Variants in ESR2 observed in about 807,000 individuals in gnomAD.
ESR2 encodes the protein estrogen receptor 2.
Under a neutral mutation model 49.6 loss-of-function variants are expected in ESR2, and 36 were observed. That is an observed-to-expected ratio of 0.73 (90% CI 0.56 to 0.96). The LOEUF is 0.96. ESR2 is among the 40% of genes least tolerant of loss of function. The pLI, the probability that ESR2 is intolerant of heterozygous loss-of-function variation, is 0.00. For missense variants in ESR2, 714 were observed against 693.0 expected, an observed-to-expected ratio of 1.03 and a Z score of -0.34; for synonymous variants, 320 against 266.1, an observed-to-expected ratio of 1.20 and a Z score of -1.97.
At position 64,247,352 on chromosome 14, in the gene ESR2, A is replaced by AAAC. The variant is rs1165071917; in HGVS notation, c.1225+2193_1225+2194insGTT. Among the ~76,000 whole-genome samples the AAAC allele has an allele frequency of 3.7e-5, 5 of 135,096 alleles. No individual in the cohort carries two copies. The East Asian group carries it at 9.0e-4, about 24-fold the overall frequency. The allele number at this position is 135,096 out of a possible 152,430, so 88.6% of individuals were successfully genotyped here. A position where few individuals can be genotyped will look rare whatever the true frequency, so the allele number is the denominator to read the frequency against. On this transcript the variant is annotated intron_variant, in intron 7 of 8. Coordinates refer to ENST00000341099, the MANE Select transcript of ESR2 (RefSeq NM_001437.3). ...GTCTCAAAACAAACAAACAAACAAA[A>AAAC]AAACTAGTGCCAATATCCAAGAGTC...
downstream of ESR2, chr14:64,227,821 T>C (rs1413998760): frequency 3.2e-6 from 5 of 1,575,562 alleles, no homozygotes; most frequent in African/African-American, 2.7e-5. Context: ...TGAGGTAGTC[T>C]GGGTTTTATA....
At chr14:64,284,850 CTTTTTT>C (rs780694583) in intron 1 of ESR2, among the ~76,000 whole-genome samples, 1 of 139,616 alleles carries the variant, frequency 7.2e-6, no homozygotes, top group African/African-American at 2.7e-5. Context: ...TATCGCATTA[CTTTTTT>C]TTTTTTTTTT....
chr14:64,334,300 C>T lies in ESR2; in HGVS notation c.-91+3598G>A, dbSNP rs145165004. Among the ~76,000 whole-genome samples the T allele has an allele frequency of 1.1e-4, 16 of 152,290 alleles. No homozygotes were observed. In the East Asian group the frequency reaches 3.1e-3, roughly 29 times the overall value. On this transcript the variant is annotated intron_variant, in intron 1 of 8. Coordinates refer to the ESR2 transcript ENST00000358599. ...TGGCTTTGTTGAGGGATCCAGCTAA[C>T]GGCCTCTTTTGAGACACTGATTGAC... is the stretch of plus-strand genomic sequence containing the variant.
chr14:64,282,951 G>A lies in ESR2; in HGVS notation c.35C>T (p.Ser12Phe). ...DIKNSPSSLN[S>F]PSSYNCSQSI... ...TTGACTGCAGTTGTAGGAGGAAGGA[G>A]AATTAAGGCTAGATGGTGAGTTTTT... Residue 12 changes from serine to phenylalanine, a missense_variant, in exon 2 of 9, where the codon TCT becomes TTT. Physicochemically the swap from Ser to Phe is radical, Grantham distance 155. Coordinates refer to ENST00000341099, the MANE Select transcript of ESR2 (RefSeq NM_001437.3). 1 of 1,613,696 alleles carries A rather than the reference G, an allele frequency of 6.2e-7. No individual in the cohort carries two copies. Among genetic ancestry groups the A allele is most frequent in the Non-Finnish European group, 8.5e-7 (1 of 1,179,700 alleles).
chr14:64,331,556 G>A (rs1392239442), intron 1 of ESR2, among the ~76,000 whole-genome samples: 1 of 152,204 alleles, frequency 6.6e-6, no homozygotes, highest in Non-Finnish European at 1.5e-5. Context: ...GCCGGGCCCA[G>A]TGGCTCACGC....
intron 5 of ESR2, 91 bp downstream of exon 5, chr14:64,260,358 C>T (rs932294157): frequency 3.2e-6 from 4 of 1,240,916 alleles, no homozygotes; most frequent in African/African-American, 3.0e-5. Flanking sequence ...AGGCACAGCT[C>T]ATGGACCTCT....
At chr14:64,318,515 C>A (rs1429905237) in intron 1 of ESR2, among the ~76,000 whole-genome samples, 1 of 84,150 alleles carries the variant, frequency 1.2e-5, no homozygotes, top group Admixed American at 1.9e-4. Context: ...CTAGCCTGGG[C>A]GACAAGAACG....
At chr14:64,300,871 G>A (rs557424863) in intron 1 of ESR2, among the ~76,000 whole-genome samples, 22 of 152,050 alleles carry the variant, frequency 1.4e-4, no homozygotes, top group Non-Finnish European at 2.6e-4. Context: ...CTCCCTTAAT[G>A]CTTGCAATAC....
intron 1 of ESR2, among the ~76,000 whole-genome samples, chr14:64,303,051 T>C (rs1340543235): frequency 6.6e-6 from 1 of 151,878 alleles, no homozygotes. Context: ...CCTCCTGCCA[T>C]GGCCTCCCAA....
chr14:64,331,431 T>G (rs1249066864), intron 1 of ESR2, among the ~76,000 whole-genome samples: 1 of 152,162 alleles, frequency 6.6e-6, no homozygotes, highest in Non-Finnish European at 1.5e-5. Flanking sequence ...TCTCAATAAC[T>G]ATAGAACAAG....
At chr14:64,236,419 CAAG>C (rs1159159017) in intron 7 of ESR2, among the ~76,000 whole-genome samples, 1 of 152,028 alleles carries the variant, frequency 6.6e-6, no homozygotes, top group Non-Finnish European at 1.5e-5. Flanking sequence ...GCAGGGGAAA[CAAG>C]ACCCCACCCT....
At chr14:64,269,666 A>G (rs1268337158) in intron 3 of ESR2, among the ~76,000 whole-genome samples, 1 of 152,184 alleles carries the variant, frequency 6.6e-6, no homozygotes, top group Non-Finnish European at 1.5e-5. Flanking sequence ...CTGACCTCCC[A>G]CAAAAGCCCA....
chr14:64,267,720 C>CAAAA (rs550076289), intron 4 of ESR2, among the ~76,000 whole-genome samples: 1 of 133,796 alleles, frequency 7.5e-6, no homozygotes, highest in Admixed American at 7.6e-5. Flanking sequence ...ACTAAAAATA[C>CAAAA]AAAAAAAAAA....
intron 4 of ESR2, among the ~76,000 whole-genome samples, chr14:64,265,718 T>C (rs908687173): frequency 3.3e-5 from 5 of 152,228 alleles, no homozygotes; most frequent in Non-Finnish European, 7.3e-5. Context: ...AAAGTTAGTC[T>C]AGGTGGGTGT....
Position 64,260,560 on chromosome 14 carries a change from G to C in ESR2, c.841C>G (p.Leu281Val), listed in dbSNP as rs1373863710. ...AAGGGCGCACTGGGGCGGCTGATCA[G>C]CACATGGGGCGGCTCAGCCTCCAGG... The part of the protein sequence containing the change: ...TLLEAEPPHV[L>V]ISRPSAPFTE... Residue 281 changes from leucine to valine, a missense_variant, in exon 5 of 9, where the codon CTG becomes GTG. Leu to Val is a conservative substitution (Grantham distance 32, BLOSUM62 1). Coordinates refer to ENST00000341099, the MANE Select transcript of ESR2 (RefSeq NM_001437.3). 5 of 1,595,292 alleles carry C rather than the reference G, an allele frequency of 3.1e-6. No homozygotes were observed. The highest frequency in any genetic ancestry group is 4.3e-6 in the Non-Finnish European group (5 of 1,170,134).
chr14:64,233,330 G>A lies in ESR2; in HGVS notation c.1407-7C>T. 6.2e-7 allele frequency: 1 copy of A among 1,602,986 alleles called. No homozygotes were observed. The stretch of plus-strand genomic sequence containing the variant: ...ATGTTCCATGCCCTTGTTACTATGG[G>A]GACAAAAAGGTGCTGAGATTCCCTC... On this transcript the variant is annotated splice_polypyrimidine_tract_variant and splice_region_variant and intron_variant, in intron 8 of 8. Coordinates refer to ENST00000341099, the MANE Select transcript of ESR2 (RefSeq NM_001437.3).
rs2140726229 is a variant in ESR2, at chr14:64,260,523, G to C, written c.878C>G (p.Ser293Cys). The C allele has an allele frequency of 6.4e-7, 1 of 1,556,400 alleles. No individual in the cohort carries two copies. The highest frequency in any genetic ancestry group is 2.3e-5 in the East Asian group (1 of 44,122). The change falls in exon 5 of 9, where the codon TCC becomes TGC. Residue 293 changes from serine (S) to cysteine (C), a missense_variant. Ser to Cys is a moderately radical substitution (Grantham distance 112). Transcript: ENST00000341099. ...CAACTTGGTCAGGGACATCATCATG[G>C]AGGCCTCGGTGAAGGGCGCACTGGG... Reference protein sequence around the residue: ...SRPSAPFTEASMMMSLTKLAD... With the variant: ...SRPSAPFTEACMMMSLTKLAD...
intron 1 of ESR2, chr14:64,329,905 A>T (rs1002823906): frequency 6.6e-6 from 1 of 152,254 alleles, no homozygotes; most frequent in Non-Finnish European, 1.5e-5. Flanking sequence ...TTGGGAGGCC[A>T]AGGCGGGCAG....
At chr14:64,250,809 C>T (rs2140682664) in intron 6 of ESR2, among the ~76,000 whole-genome samples, 1 of 152,284 alleles carries the variant, frequency 6.6e-6, no homozygotes, top group South Asian at 2.1e-4. Flanking sequence ...AAGTCTTTCC[C>T]ATTACCTGCC....
Sources: allele counts gnomAD v4.1 joint callset (sites outside exome capture counted in the v4.1 genomes callset), GRCh38; gene constraint gnomAD v4.1.1; transcripts MANE v1.5; gene names NCBI Gene and HGNC (gene_info 2026-07-23, HGNC 2026-07-21).